Variants in ARMH3 observed in about 807,000 individuals in gnomAD.
The protein encoded by ARMH3 is armadillo-like helical domain-containing protein 3.
In ARMH3, 60 loss-of-function variants were observed where a neutral mutation model predicts 99.1. The ratio of observed to expected loss-of-function variants is 0.61; its 90% confidence interval spans 0.49 to 0.75. ARMH3 has a LOEUF of 0.75. ARMH3 is among the 30% of genes least tolerant of loss of function. The pLI, the probability that ARMH3 is intolerant of heterozygous loss-of-function variation, is 0.00. For synonymous variants in ARMH3, 285 were observed against 292.8 expected, an observed-to-expected ratio of 0.97 and a Z score of 0.27; for missense variants, 679 against 843.1, an observed-to-expected ratio of 0.81 and a Z score of 2.41.
chr10:102,024,200 C>G (rs777348524), intron 6 of ARMH3, among the ~76,000 whole-genome samples: 1 of 152,220 alleles, frequency 6.6e-6, no homozygotes, highest in Non-Finnish European at 1.5e-5. Context: ...CCTGGAATCC[C>G]AGCACTTAGG....
At chr10:101,981,062 G>C (rs907499784) in intron 19 of ARMH3, among the ~76,000 whole-genome samples, 5 of 151,960 alleles carry the variant, frequency 3.3e-5, no homozygotes, top group African/African-American at 1.2e-4. Context: ...CCTGTTGGGG[G>C]GTTGGGGGGT....
At chr10:101,918,696 T>A (rs1407235302) in intron 23 of ARMH3, among the ~76,000 whole-genome samples, 1 of 152,220 alleles carries the variant, frequency 6.6e-6, no homozygotes, top group African/African-American at 2.4e-5. Context: ...TATGGAGCAA[T>A]TTAATCTGGC....
At chr10:101,926,359 T>G (rs7081650) in intron 23 of ARMH3, among the ~76,000 whole-genome samples, 31,972 of 151,882 alleles carry the variant, frequency 0.21, 3,728 homozygotes, top group East Asian at 0.52. Flanking sequence ...AGCTAATTAT[T>G]TTTTTATTTT....
chr10:101,868,022 T>G (rs2067045527), intron 24 of ARMH3, among the ~76,000 whole-genome samples: 1 of 148,940 alleles, frequency 6.7e-6, no homozygotes, highest in South Asian at 2.1e-4. Context: ...AGTCATCAAG[T>G]CCAAAACAAC....
intron 23 of ARMH3, among the ~76,000 whole-genome samples, chr10:101,905,998 T>C (rs1404106666): frequency 1.3e-5 from 2 of 152,228 alleles, no homozygotes. Context: ...CATATCACTT[T>C]GTGTTCTTAA....
At chr10:101,890,454 G>A (rs536061928) in intron 23 of ARMH3, among the ~76,000 whole-genome samples, 52 of 152,006 alleles carry the variant, frequency 3.4e-4, no homozygotes, top group Non-Finnish European at 7.1e-4. Flanking sequence ...TTGCCATGTC[G>A]CCCAGGCTCA....
intron 23 of ARMH3, among the ~76,000 whole-genome samples, chr10:101,926,652 C>A (rs1255952939): frequency 1.3e-5 from 2 of 152,102 alleles, no homozygotes; most frequent in East Asian, 3.9e-4. Flanking sequence ...CTAAACTATG[C>A]CTGTTTATAC....
In ARMH3 at chr10:102,001,992, T is replaced by C. The variant is rs760554543; in HGVS notation, c.1129A>G (p.Ile377Val). 15 of 1,614,190 alleles carry C rather than the reference T, an allele frequency of 9.3e-6. No homozygotes were observed. Among genetic ancestry groups the C allele is most frequent in the Admixed American group, 3.3e-5 (2 of 60,022 alleles). Residue 377 changes from isoleucine (I) to valine (V), a missense_variant, in exon 15 of 26, where the codon ATT becomes GTT. Ile to Val is a conservative substitution (Grantham distance 29). Around this residue, in one of 3 missense-constraint regions of ARMH3, gnomAD observed 389 missense variants for 456.5 expected, o/e 0.85. Coordinates refer to ENST00000370033, the MANE Select transcript of ARMH3 (RefSeq NM_024541.3). Reference sequence around the variant, plus strand: ...TTACCTTTGGTGTCCTGCATGACAATTGAGCTATACTTTAAAAAGGTTATC... The same window carrying C: ...TTACCTTTGGTGTCCTGCATGACAACTGAGCTATACTTTAAAAAGGTTATC... Reference protein sequence around the residue: ...LLITFLKYSSIVMQDTKDEHR... With the variant: ...LLITFLKYSSVVMQDTKDEHR...
chr10:101,876,347 C>T (rs1348360747), intron 24 of ARMH3, among the ~76,000 whole-genome samples: 1 of 152,062 alleles, frequency 6.6e-6, no homozygotes, highest in East Asian at 1.9e-4. Flanking sequence ...CTGTCCTCCC[C>T]ACCTGAAATT....
rs1391430308 is a variant in ARMH3 at position 101,986,031 on chromosome 10, TAAATG to T, written c.1406+4515_1406+4519del. On this transcript the variant is annotated intron_variant, in intron 19 of 25. Coordinates refer to ENST00000370033, the MANE Select transcript of ARMH3 (RefSeq NM_024541.3). ...ACTCTGTCTCAAAAAAAAATAAAAA[TAAATG>T]AAATAAAATACACACACACACACAA... Among the ~76,000 whole-genome samples the T allele has an allele frequency of 2.0e-5, 3 of 151,632 alleles. No homozygotes were observed. The East Asian group carries it at 5.8e-4, about 29-fold the overall frequency.
rs573706653 is a variant in ARMH3 at position 101,979,210 on chromosome 10, T to C, written c.1407-3910A>G. ...CAAACAGTAATGGTGGCATTCCTAA[T>C]ACCCAAAAAGTCTAAACAACCCAAA... On this transcript the variant is annotated intron_variant, in intron 19 of 25. Coordinates refer to ENST00000370033, the MANE Select transcript of ARMH3 (RefSeq NM_024541.3). 2.6e-5 allele frequency among the ~76,000 whole-genome samples: 4 copies of C among 152,198 alleles called. No individual in the cohort carries two copies. In the South Asian group the frequency reaches 8.3e-4, roughly 32 times the overall value.
At chr10:101,953,979 C>T (rs1266568279) in intron 22 of ARMH3, among the ~76,000 whole-genome samples, 2 of 151,972 alleles carry the variant, frequency 1.3e-5, no homozygotes, top group Non-Finnish European at 2.9e-5. Flanking sequence ...GTTGCTTGAG[C>T]CCAGGAGTTC....
chr10:101,926,348 C>T (rs1000245015), intron 23 of ARMH3, among the ~76,000 whole-genome samples: 3 of 152,100 alleles, frequency 2.0e-5, no homozygotes, highest in African/African-American at 7.2e-5. Flanking sequence ...CTACCATGCC[C>T]AGCTAATTAT....
chr10:101,981,598 C>T (rs1221766334), intron 19 of ARMH3, among the ~76,000 whole-genome samples: 2 of 152,170 alleles, frequency 1.3e-5, no homozygotes, highest in Non-Finnish European at 2.9e-5. Context: ...CCATTGCTAC[C>T]TTATTAGCTT....
At chr10:101,890,236 A>G (rs946298448) in intron 23 of ARMH3, among the ~76,000 whole-genome samples, 3 of 149,746 alleles carry the variant, frequency 2.0e-5, no homozygotes, top group Non-Finnish European at 4.4e-5. Context: ...TCATATATAT[A>G]TATATATTTA....
chr10:102,035,315 C>T (rs529960981), intron 2 of ARMH3, among the ~76,000 whole-genome samples: 5 of 152,152 alleles, frequency 3.3e-5, no homozygotes, highest in African/African-American at 1.2e-4. Flanking sequence ...CAGTGAGCCA[C>T]GATTGTGCCA....
intron 23 of ARMH3, among the ~76,000 whole-genome samples, chr10:101,935,268 T>C (rs774093238): frequency 3.3e-5 from 5 of 151,040 alleles, no homozygotes; most frequent in Non-Finnish European, 7.4e-5. Flanking sequence ...GCCCTGTTTG[T>C]GTTCCAATAA....
intron 22 of ARMH3, among the ~76,000 whole-genome samples, chr10:101,950,946 G>A (rs1158324057): frequency 6.6e-6 from 1 of 152,104 alleles, no homozygotes; most frequent in Non-Finnish European, 1.5e-5. Flanking sequence ...AGATTATAAG[G>A]TAGGTGAATT....
At chr10:101,861,235 G>GAT in intron 24 of ARMH3, among the ~76,000 whole-genome samples, 1 of 152,242 alleles carries the variant, frequency 6.6e-6, no homozygotes, top group Non-Finnish European at 1.5e-5. Context: ...GAGGAACAAA[G>GAT]ATAAGAGTTC....
Sources: allele counts gnomAD v4.1 joint callset (sites outside exome capture counted in the v4.1 genomes callset), GRCh38; gene constraint gnomAD v4.1.1; regional missense constraint gnomAD v4.1.1; transcripts MANE v1.5; gene names NCBI Gene and HGNC (gene_info 2026-07-23, HGNC 2026-07-21).